IFNAR2: variants seen among roughly 807,000 people sequenced by gnomAD.
The protein encoded by IFNAR2 is interferon alpha/beta receptor 2.
In IFNAR2, 30 loss-of-function variants were observed where a neutral mutation model predicts 49.4. The observed-to-expected ratio is 0.61, with a 90% CI of 0.45 to 0.82. The LOEUF (loss-of-function observed/expected upper bound fraction) is 0.82. Among genes scored for constraint, IFNAR2 ranks in the 40% least tolerant of loss-of-function variants. The probability of loss-of-function intolerance (pLI) is 0.00; values close to 1 mark genes in which losing one functional copy is unlikely to be tolerated. For missense variants in IFNAR2, 600 were observed against 622.7 expected (o/e 0.96, Z 0.39); for synonymous variants, 224 against 234.5 (o/e 0.96, Z 0.41).
rs764980427 is a variant in IFNAR2, at chr21:33,248,812, A to G, written c.498A>G (p.Leu166=). 1.2e-6 allele frequency: 2 copies of G among 1,609,524 alleles called. No individual in the cohort carries two copies. The highest frequency in any genetic ancestry group is 2.7e-5 in the African/African-American group (2 of 74,652). Residue 166 remains leucine (L), a synonymous_variant, in exon 6 of 9, where the codon TTA becomes TTG. Transcript: ENST00000342136. ...SIVEEELQFD[L]SLVIEEQSEG... ...TTGAGGAAGAATTACAGTTTGATTT[A>G]TCTCTCGTCATTGAAGAACAGTCAG...
chr21:33,258,938 C>T (rs1338516133), intron 7 of IFNAR2, among the ~76,000 whole-genome samples: 1 of 152,118 alleles, frequency 6.6e-6, no homozygotes, highest in Admixed American at 6.6e-5. Context: ...GGGCTGATTA[C>T]TGCAGTCACC....
intron 1 of IFNAR2, chr21:33,236,742 C>T (rs1407507935): frequency 2.0e-6 from 2 of 984,956 alleles, no homozygotes; most frequent in African/African-American, 3.5e-5. Context: ...AGCTGGGGCT[C>T]CTAGCACAAA....
chr21:33,240,448 A>G (rs1055607222), intron 1 of IFNAR2, among the ~76,000 whole-genome samples: 1 of 152,218 alleles, frequency 6.6e-6, no homozygotes, highest in Non-Finnish European at 1.5e-5. Flanking sequence ...TAGCCTAACA[A>G]TGAATTTCTC....
chr21:33,238,083 T>G (rs1183546060), intron 1 of IFNAR2, among the ~76,000 whole-genome samples: 1 of 152,160 alleles, frequency 6.6e-6, no homozygotes, highest in Non-Finnish European at 1.5e-5. Context: ...TATCATCAAA[T>G]GCTTCAACTT....
intron 7 of IFNAR2, among the ~76,000 whole-genome samples, chr21:33,260,276 TGA>T (rs1988476539): frequency 6.6e-6 from 1 of 152,232 alleles, no homozygotes; most frequent in African/African-American, 2.4e-5. Context: ...TTCATGTGAC[TGA>T]GAGACCGAGC....
intron 1 of IFNAR2, chr21:33,236,896 T>C (rs776809762): frequency 1.0e-6 from 1 of 984,898 alleles, no homozygotes; most frequent in African/African-American, 1.7e-5. Context: ...GGAAGACTGA[T>C]CTATTTGTAG....
chr21:33,261,815 G>A (rs559275388), intron 8 of IFNAR2, among the ~76,000 whole-genome samples: 3 of 152,282 alleles, frequency 2.0e-5, no homozygotes, highest in East Asian at 3.9e-4. Context: ...GGTGGAGGCT[G>A]CAGTGAGCTG....
At chr21:33,254,723 C>T (rs778119768) in intron 7 of IFNAR2, among the ~76,000 whole-genome samples, 5 of 152,156 alleles carry the variant, frequency 3.3e-5, no homozygotes, top group Non-Finnish European at 7.3e-5. Flanking sequence ...GAAGCCCCCC[C>T]ACTTCGAATT....
intron 8 of IFNAR2, among the ~76,000 whole-genome samples, chr21:33,262,125 G>A (rs893381112): frequency 5.9e-5 from 9 of 152,194 alleles, no homozygotes; most frequent in Admixed American, 2.6e-4. Flanking sequence ...CCAGCACTTC[G>A]GGAGGCCAAG....
At chr21:33,252,859 T>C (rs1466495768) in intron 7 of IFNAR2, 29 bp downstream of exon 7, 2 of 1,533,406 alleles carry the variant, frequency 1.3e-6, no homozygotes, top group African/African-American at 1.4e-5. Flanking sequence ...ATTCATGTTT[T>C]GAGTATTCAT....
At position 33,233,867 on chromosome 21, in the gene IFNAR2, A is replaced by G. The variant is rs1433697488; in HGVS notation, c.-84+3651A>G. On this transcript the variant is annotated intron_variant, in intron 1 of 8. Coordinates refer to ENST00000342136, the MANE Select transcript of IFNAR2 (RefSeq NM_001289125.3). Reference sequence around the variant, plus strand: ...TACATCTATAGAAATTGTGGGTAAGATAGAATGCGATTGTTATTAATCTAG... The same window carrying G: ...TACATCTATAGAAATTGTGGGTAAGGTAGAATGCGATTGTTATTAATCTAG... 1.5e-4 allele frequency among the ~76,000 whole-genome samples: 23 copies of G among 152,190 alleles called. No homozygotes were observed. In the East Asian group the frequency reaches 1.5e-3, roughly 10 times the overall value.
intron 3 of IFNAR2, 40 bp downstream of exon 3, chr21:33,243,754 A>T: frequency 1.2e-5 from 17 of 1,439,798 alleles, no homozygotes; most frequent in Non-Finnish European, 1.7e-5. Context: ...TTTGTATAAG[A>T]GTGAAAGTGT....
At chr21:33,236,760 T>C in intron 1 of IFNAR2, 1 of 984,764 alleles carries the variant, frequency 1.0e-6, no homozygotes, top group Non-Finnish European at 1.2e-6. Context: ...AAAACTCACA[T>C]TGAAAGATAA....
At chr21:33,242,007 T>C (rs201816319) in intron 2 of IFNAR2, 30 bp downstream of exon 2, 28 of 1,603,996 alleles carry the variant, frequency 1.7e-5, no homozygotes, top group East Asian at 1.1e-4. Flanking sequence ...TTAGCTCTTA[T>C]AGAAGCAAGC....
In IFNAR2 at chr21:33,241,922, G is replaced by A; in HGVS notation, c.-1G>A. 1 of 1,612,234 alleles carries A rather than the reference G, an allele frequency of 6.2e-7. No homozygotes were observed. Among genetic ancestry groups the A allele is most frequent in the Non-Finnish European group, 8.5e-7 (1 of 1,178,686 alleles). ...AAGAGAAGACTCTAAAAATAGCAAA[G>A]ATGCTTTTGAGCCAGAATGCCTTCA... On this transcript the variant is annotated 5_prime_UTR_variant, in exon 2 of 9. Transcript: ENST00000342136.
chr21:33,244,333 T>C (rs1053190272), intron 3 of IFNAR2, among the ~76,000 whole-genome samples: 1 of 152,184 alleles, frequency 6.6e-6, no homozygotes, highest in Non-Finnish European at 1.5e-5. Context: ...CTACATGACA[T>C]TGTATAATTC....
chr21:33,263,077 G>C lies in IFNAR2; in HGVS notation c.1125G>C (p.Val375=). 1 of 1,614,150 alleles carries C rather than the reference G, an allele frequency of 6.2e-7. No homozygotes were observed. Among genetic ancestry groups the C allele is most frequent in the Non-Finnish European group, 8.5e-7 (1 of 1,180,024 alleles). The part of the protein sequence containing the change: ...EEEPDLPEVD[V]ELPTMPKDSP... ...AGCCTGACCTGCCTGAGGTTGATGT[G>C]GAGCTCCCCACGATGCCAAAGGACA... Residue 375 remains valine, a synonymous_variant, in exon 9 of 9, where the codon GTG becomes GTC. Coordinates refer to ENST00000342136, the MANE Select transcript of IFNAR2 (RefSeq NM_001289125.3).
intron 1 of IFNAR2, among the ~76,000 whole-genome samples, chr21:33,237,697 G>A (rs1309053869): frequency 6.6e-6 from 1 of 152,104 alleles, no homozygotes; most frequent in Non-Finnish European, 1.5e-5. Flanking sequence ...TATGGGATTA[G>A]TTCCAGGCAG....
At chr21:33,258,178 G>A (rs987183872) in intron 7 of IFNAR2, among the ~76,000 whole-genome samples, 6 of 152,254 alleles carry the variant, frequency 3.9e-5, no homozygotes, top group South Asian at 4.1e-4. Flanking sequence ...GGTGGCATGC[G>A]TCTGGAGTCC....
Sources: allele counts gnomAD v4.1 joint callset (sites outside exome capture counted in the v4.1 genomes callset), GRCh38; gene constraint gnomAD v4.1.1; transcripts MANE v1.5; gene names NCBI Gene and HGNC (gene_info 2026-07-23, HGNC 2026-07-21).